Variants in TRHDE observed in about 807,000 individuals in gnomAD.
TRHDE encodes thyrotropin-releasing hormone-degrading ectoenzyme.
Under a neutral mutation model 125.7 loss-of-function variants are expected in TRHDE, and 72 were observed. The observed-to-expected ratio is 0.57, with a 90% confidence interval of 0.47 to 0.70. The LOEUF is 0.70. Ranked by LOEUF, TRHDE falls within the 30% of genes least tolerant of loss-of-function variation. The probability of loss-of-function intolerance (pLI) is 0.00; values close to 1 mark genes in which losing one functional copy is unlikely to be tolerated. For missense variants in TRHDE, 1,110 were observed against 1,327.1 expected (o/e 0.84, Z 2.54); for synonymous variants, 509 against 509.1 (o/e 1.00, Z 0.00).
At chr12:72,516,229 T>C (rs572012542) in intron 6 of TRHDE, among the ~76,000 whole-genome samples, 1,596 of 151,822 alleles carry the variant, frequency 0.011, 25 homozygotes, top group African/African-American at 0.036. Flanking sequence ...GTAAATTACC[T>C]TGGGCAGTAT....
rs76363297 is a variant in TRHDE at position 72,120,962 on chromosome 12, G to A, written n.279+15210G>A. ...CAAAGTGCTGGGATTAAAGGTGTGAGCCACTGCACCCACCCCTCTTTAACT... is the reference window on the plus strand; with the variant it reads ...CAAAGTGCTGGGATTAAAGGTGTGAACCACTGCACCCACCCCTCTTTAACT... On this transcript the variant is annotated intron_variant and non_coding_transcript_variant, in intron 2 of 4. Transcript: ENST00000548156. 4.9e-3 allele frequency among the ~76,000 whole-genome samples: 749 copies of A among 152,102 alleles called. 4 individuals are homozygous for A. The highest frequency in any genetic ancestry group is 0.017 in the African/African-American group (692 of 41,508).
chr12:72,256,192 G>T (rs185714292), intron 2 of TRHDE: 4 of 152,132 alleles, frequency 2.6e-5, no homozygotes, highest in Admixed American at 1.3e-4. Context: ...AGAAGTCTAA[G>T]TACTTACAAT....
intron 7 of TRHDE, 131 bp from the exon 8 acceptor site, chr12:72,562,034 T>C: frequency 2.0e-6 from 1 of 500,550 alleles, no homozygotes; most frequent in Non-Finnish European, 3.7e-6. Flanking sequence ...TTAAATGAGA[T>C]TATTTATCTT....
At position 72,575,219 on chromosome 12, in the gene TRHDE, A is replaced by G. The variant is rs778905157; in HGVS notation, c.2132-36A>G. Reference sequence around the variant, plus strand: ...CATACTTCATTTCATTTTAACTCTTAAAGTTTGAAATCTATCCCAAAAATG... The same window carrying G: ...CATACTTCATTTCATTTTAACTCTTGAAGTTTGAAATCTATCCCAAAAATG... On this transcript the variant is annotated intron_variant, in intron 10 of 18. Coordinates refer to ENST00000261180, the MANE Select transcript of TRHDE (RefSeq NM_013381.3). 6 of 1,603,692 alleles carry G rather than the reference A, an allele frequency of 3.7e-6. No individual in the cohort carries two copies. In the South Asian group the frequency reaches 6.7e-5, roughly 18 times the overall value.
intron 2 of TRHDE, among the ~76,000 whole-genome samples, chr12:72,223,990 A>C (rs1297451893): frequency 6.6e-6 from 1 of 151,928 alleles, no homozygotes; most frequent in Non-Finnish European, 1.5e-5. Context: ...GGACGGGTGA[A>C]GGAGAAATGT....
intron 7 of TRHDE, among the ~76,000 whole-genome samples, chr12:72,549,563 A>G (rs1195163471): frequency 6.6e-6 from 1 of 151,836 alleles, no homozygotes; most frequent in Non-Finnish European, 1.5e-5. Context: ...AAGGTTAATA[A>G]CTTGAAAATA....
At chr12:72,138,324 G>A (rs1163396412) in intron 2 of TRHDE, among the ~76,000 whole-genome samples, 2 of 151,898 alleles carry the variant, frequency 1.3e-5, no homozygotes, top group Admixed American at 1.3e-4. Flanking sequence ...GCAGTGAGTC[G>A]AGATCACACC....
chr12:72,504,763 G>C (rs1176128941), intron 6 of TRHDE, among the ~76,000 whole-genome samples: 10 of 152,152 alleles, frequency 6.6e-5, no homozygotes, highest in Non-Finnish European at 8.8e-5. Context: ...TGTAGAGACT[G>C]GAGTTGTATA....
In TRHDE at chr12:72,499,484, C is replaced by A. The variant is rs779766644; in HGVS notation, c.1585-14C>A. ...TGAATCACCTATGATATTGCCCCGT[C>A]TGCTGTATTGCAGGAAAAGCAGAGG... On this transcript the variant is annotated splice_polypyrimidine_tract_variant and intron_variant, in intron 5 of 18. Coordinates refer to ENST00000261180, the MANE Select transcript of TRHDE (RefSeq NM_013381.3). 1.9e-6 allele frequency: 3 copies of A among 1,612,790 alleles called. No individual in the cohort carries two copies. The highest frequency in any genetic ancestry group is 1.7e-6 in the Non-Finnish European group (2 of 1,179,420).
At chr12:72,606,512 C>T (rs373879174) in intron 12 of TRHDE, among the ~76,000 whole-genome samples, 33 of 152,194 alleles carry the variant, frequency 2.2e-4, no homozygotes, top group Non-Finnish European at 2.6e-4. Context: ...TTTTAACTCA[C>T]GATGACGCTG....
intron 15 of TRHDE, among the ~76,000 whole-genome samples, chr12:72,643,631 C>A: frequency 6.6e-6 from 1 of 152,176 alleles, no homozygotes; most frequent in East Asian, 1.9e-4. Context: ...TTTTATCCAA[C>A]ATTTTATTGC....
intron 2 of TRHDE, among the ~76,000 whole-genome samples, chr12:72,150,639 A>C (rs1256071227): frequency 1.4e-5 from 2 of 146,844 alleles, no homozygotes; most frequent in East Asian, 4.1e-4. Flanking sequence ...ATGAATGAGA[A>C]CATGCGGTGT....
chr12:72,089,606 C>G (rs1874745306), intron 1 of TRHDE, among the ~76,000 whole-genome samples: 1 of 152,096 alleles, frequency 6.6e-6, no homozygotes, highest in Non-Finnish European at 1.5e-5. Flanking sequence ...AATATTTGTT[C>G]AAATCATACC....
chr12:72,562,028 A>T, intron 7 of TRHDE, 137 bp from the exon 8 acceptor site: 2 of 489,480 alleles, frequency 4.1e-6, no homozygotes, highest in Non-Finnish European at 3.7e-6. Context: ...ATATTTTTAA[A>T]TGAGATTATT....
upstream of TRHDE, among the ~76,000 whole-genome samples, chr12:72,270,407 C>T (rs1348937443): frequency 2.0e-5 from 3 of 151,302 alleles, no homozygotes; most frequent in East Asian, 5.8e-4. Context: ...AGGGCTTCCT[C>T]GAGCAGGGCT....
At chr12:72,222,966 A>G (rs1878030968) in intron 2 of TRHDE, among the ~76,000 whole-genome samples, 1 of 152,046 alleles carries the variant, frequency 6.6e-6, no homozygotes, top group African/African-American at 2.4e-5. Context: ...CCTTTTATTA[A>G]TATCTTTTAT....
intron 2 of TRHDE, among the ~76,000 whole-genome samples, chr12:72,134,840 A>C (rs1396487959): frequency 6.6e-6 from 1 of 152,156 alleles, no homozygotes; most frequent in Non-Finnish European, 1.5e-5. Flanking sequence ...GGACAATTTG[A>C]TTGTGTAATT....
intron 5 of TRHDE, among the ~76,000 whole-genome samples, chr12:72,490,131 A>G (rs774868023): frequency 6.6e-6 from 1 of 151,848 alleles, no homozygotes; most frequent in Non-Finnish European, 1.5e-5. Flanking sequence ...AAGAACATAT[A>G]CAACTTAATA....
intron 3 of TRHDE, among the ~76,000 whole-genome samples, chr12:72,409,655 G>C (rs1459530421): frequency 6.6e-6 from 1 of 152,164 alleles, no homozygotes. Context: ...CTTTGTTACT[G>C]TAAGACAGTA....
Sources: gnomAD v4.1 joint callset for allele counts (sites outside exome capture counted in the v4.1 genomes callset) on GRCh38, gnomAD v4.1.1 for gene constraint, MANE v1.5 for transcripts, NCBI Gene and HGNC (gene_info 2026-07-23, HGNC 2026-07-21) for gene names.